Variants in NBEA observed in about 807,000 individuals in gnomAD.
NBEA encodes the protein lysosomal-trafficking regulator 2.
In NBEA, 44 loss-of-function variants were observed where a neutral mutation model predicts 343.4. The observed-to-expected ratio is 0.13, with a 90% CI of 0.10 to 0.16. The LOEUF (loss-of-function observed/expected upper bound fraction) is 0.16, where lower values mean the gene tolerates loss of function less well. Among genes scored for constraint, NBEA ranks in the 10% least tolerant of loss-of-function variants. The pLI is 1.00. For synonymous variants in NBEA, 1,175 were observed against 1,238.7 expected (o/e 0.95, Z 1.08); for missense variants, 2,555 against 3,631.3 (o/e 0.70, Z 7.62).
chr13:35,583,918 C>G lies in NBEA; in HGVS notation c.7056C>G (p.Pro2352=), dbSNP rs750563385. 14 of 1,612,380 alleles carry G rather than the reference C, an allele frequency of 8.7e-6. No individual in the cohort carries two copies. In the African/African-American group the frequency reaches 1.7e-4, roughly 20 times the overall value. Residue 2352 remains proline (P), a synonymous_variant, in exon 46 of 59, where the codon CCC becomes CCG. Transcript: ENST00000379939. Reference sequence around the variant, plus strand: ...AATAGCCAATTGGTGCTTTGAACCCCAAGAGAGCTGTGTTTTATGCAGAGC... The same window carrying G: ...AATAGCCAATTGGTGCTTTGAACCCGAAGAGAGCTGTGTTTTATGCAGAGC... ...DLSKPIGALN[P]KRAVFYAERY...
At chr13:35,601,464 A>G (rs1354793703) in intron 47 of NBEA, among the ~76,000 whole-genome samples, 1 of 152,138 alleles carries the variant, frequency 6.6e-6, no homozygotes, top group Non-Finnish European at 1.5e-5. Context: ...GTAACGTCAT[A>G]TAGAATGACT....
At chr13:35,565,110 C>T (rs1269883872) in intron 44 of NBEA, among the ~76,000 whole-genome samples, 2 of 152,122 alleles carry the variant, frequency 1.3e-5, no homozygotes, top group African/African-American at 4.8e-5. Context: ...CAGGGGAAGC[C>T]CTAACCTAGC....
intron 1 of NBEA, among the ~76,000 whole-genome samples, chr13:35,015,337 G>A (rs545045438): frequency 2.0e-5 from 3 of 151,874 alleles, no homozygotes; most frequent in Non-Finnish European, 4.4e-5. Context: ...ACTAAGTATT[G>A]TGATCTAAGT....
chr13:35,411,505 G>A (rs911404871), intron 38 of NBEA, among the ~76,000 whole-genome samples: 1 of 151,010 alleles, frequency 6.6e-6, no homozygotes, highest in Admixed American at 6.6e-5. Context: ...TGCCCAGGCT[G>A]GAGTGCAGTG....
intron 44 of NBEA, among the ~76,000 whole-genome samples, chr13:35,558,984 G>C (rs764826168): frequency 6.6e-6 from 1 of 152,162 alleles, no homozygotes; most frequent in African/African-American, 2.4e-5. Context: ...ACCGTAATAA[G>C]TAGAATGACA....
chr13:35,101,286 A>G (rs550536764), intron 11 of NBEA, among the ~76,000 whole-genome samples: 10 of 152,044 alleles, frequency 6.6e-5, no homozygotes, highest in African/African-American at 2.2e-4. Flanking sequence ...TGACTCCAGC[A>G]TTTTACATCC....
chr13:35,045,307 C>T lies in NBEA; in HGVS notation c.629C>T (p.Pro210Leu). The change falls in exon 4 of 59, where the codon CCA (proline) becomes CTA (leucine). Residue 210 changes from proline (P) to leucine (L), a missense_variant and splice_region_variant. This residue lies in a region of NBEA where 185 missense variants were observed against 290.6 expected (regional missense o/e 0.64). Transcript: ENST00000379939. ...SMLRGESGIW[P>L]RHAVKLLSVL... is the part of the protein sequence containing the mutation. ...TTCTTTCTTTTATTGTTTCCCCAGC[C>T]AAGACATGCAGTAAAATTATTATCA... The T allele has an allele frequency of 6.2e-7, 1 of 1,604,034 alleles. No individual in the cohort carries two copies. The highest frequency in any genetic ancestry group is 8.5e-7 in the Non-Finnish European group (1 of 1,174,932).
rs1343955039 is a variant in NBEA, at chr13:35,041,168, T to C, written c.526+4T>C. The C allele has an allele frequency of 3.1e-6, 5 of 1,605,104 alleles. No individual in the cohort carries two copies. The highest frequency in any genetic ancestry group is 4.3e-6 in the Non-Finnish European group (5 of 1,174,176). On this transcript the variant is annotated splice_donor_region_variant and intron_variant, in intron 2 of 58. Coordinates refer to ENST00000379939, the MANE Select transcript of NBEA (RefSeq NM_001385012.1). ...GCTGTAGATGACATGATAGCAGGTA[T>C]GGGGTTGTCTGACAGGAAAGTATAA...
chr13:35,670,837 GT>G (rs1299266125), intron 58 of NBEA, 63 bp from the exon 59 acceptor site: 15 of 1,126,364 alleles, frequency 1.3e-5, no homozygotes, highest in Non-Finnish European at 1.8e-5. Flanking sequence ...ATACTGTCTA[GT>G]GTAAAATAGC....
At chr13:35,045,284 CT>C in intron 3 of NBEA, 21 bp from the exon 4 acceptor site, 1 of 1,569,642 alleles carries the variant, frequency 6.4e-7, no homozygotes, top group Non-Finnish European at 8.7e-7. Context: ...AATGACATTT[CT>C]TTCTTTTATT....
chr13:35,526,631 G>A (rs1353228381), intron 41 of NBEA, among the ~76,000 whole-genome samples: 8 of 152,172 alleles, frequency 5.3e-5, no homozygotes, highest in African/African-American at 1.7e-4. Flanking sequence ...CCCAAGTTTT[G>A]CTTGGGCCCA....
intron 1 of NBEA, among the ~76,000 whole-genome samples, chr13:34,955,603 CAA>C (rs2059465563): frequency 6.6e-6 from 1 of 152,082 alleles, no homozygotes; most frequent in Non-Finnish European, 1.5e-5. Context: ...TGCACAGTGA[CAA>C]GAGCCACGAA....
At chr13:35,176,122 G>C (rs766074908) in intron 27 of NBEA, among the ~76,000 whole-genome samples, 30 of 152,004 alleles carry the variant, frequency 2.0e-4, no homozygotes, top group Admixed American at 7.2e-4. Flanking sequence ...AGAAGTTTTG[G>C]AATTGTAATG....
intron 41 of NBEA, among the ~76,000 whole-genome samples, chr13:35,478,849 G>A (rs2075998264): frequency 6.6e-6 from 1 of 152,230 alleles, no homozygotes; most frequent in Non-Finnish European, 1.5e-5. Flanking sequence ...TGTCAAGGAC[G>A]TGAGACAGCC....
chr13:35,351,783 A>G (rs1297850328), intron 37 of NBEA, among the ~76,000 whole-genome samples: 1 of 152,034 alleles, frequency 6.6e-6, no homozygotes, highest in Non-Finnish European at 1.5e-5. Flanking sequence ...TTTGATTCAT[A>G]TGTAATTATC....
chr13:35,042,148 A>C (rs2062676328), intron 2 of NBEA, among the ~76,000 whole-genome samples: 1 of 151,928 alleles, frequency 6.6e-6, no homozygotes, highest in African/African-American at 2.4e-5. Context: ...GCAGAATTGC[A>C]AAAAGCATGC....
At chr13:35,461,181 A>G (rs2046883209) in intron 40 of NBEA, among the ~76,000 whole-genome samples, 1 of 152,210 alleles carries the variant, frequency 6.6e-6, no homozygotes, top group Non-Finnish European at 1.5e-5. Flanking sequence ...ACAAACAAAC[A>G]TATTTACACA....
chr13:35,643,515 C>G (rs2084069875), intron 49 of NBEA, among the ~76,000 whole-genome samples: 1 of 152,164 alleles, frequency 6.6e-6, no homozygotes, highest in South Asian at 2.1e-4. Flanking sequence ...CAGTTTTATA[C>G]AAATGCCCTG....
chr13:35,305,807 C>A (rs1566593244), intron 35 of NBEA, among the ~76,000 whole-genome samples: 1 of 152,122 alleles, frequency 6.6e-6, no homozygotes, highest in Non-Finnish European at 1.5e-5. Flanking sequence ...CTCATTTTGG[C>A]AGAGCACACC....
Sources: gnomAD v4.1 joint callset for allele counts (sites outside exome capture counted in the v4.1 genomes callset) on GRCh38, gnomAD v4.1.1 for gene constraint, gnomAD v4.1.1 regional missense constraint, MANE v1.5 for transcripts, NCBI Gene and HGNC (gene_info 2026-07-23, HGNC 2026-07-21) for gene names.